DOCK4: variants seen among roughly 807,000 people sequenced by gnomAD.
The protein encoded by DOCK4 is dedicator of cytokinesis protein 4.
In DOCK4, 97 loss-of-function variants were observed where a neutral mutation model predicts 268.1. The observed-to-expected ratio is 0.36, with a 90% CI of 0.31 to 0.43. The LOEUF is 0.43. Ranked by LOEUF, DOCK4 falls within the 20% of genes least tolerant of loss-of-function variation. The probability of loss-of-function intolerance (pLI) is 1.00; values close to 1 mark genes in which losing one functional copy is unlikely to be tolerated. For synonymous variants in DOCK4, 954 were observed against 887.2 expected, an observed-to-expected ratio of 1.08 and a Z score of -1.34; for missense variants, 2,145 against 2,455.7, an observed-to-expected ratio of 0.87 and a Z score of 2.67.
chr7:111,902,808 C>T (rs927435477), intron 13 of DOCK4, among the ~76,000 whole-genome samples: 23 of 151,750 alleles, frequency 1.5e-4, no homozygotes, highest in South Asian at 1.0e-3. Context: ...CTCGCTCTGT[C>T]GCCCAGGCTG....
Position 111,790,513 on chromosome 7 carries a change from G to T in DOCK4, c.3259C>A (p.Pro1087Thr). Residue 1087 changes from proline to threonine, a missense_variant, in exon 31 of 53, where the codon CCA becomes ACA. By Grantham distance (38) the Pro-to-Thr change is conservative. Around this residue, in one of 2 missense-constraint regions of DOCK4, gnomAD observed 1,598 missense variants for 1,986.7 expected, o/e 0.80. Transcript: ENST00000428084. ...PQPDLRNVMI[P>T]IFHDMMDWEQ... ...CAGTCCATCATATCATGAAAAATTG[G>T]AATCATGACATTCCGAAGATCTGGC... The T allele has an allele frequency of 6.2e-7, 1 of 1,613,894 alleles. No individual in the cohort carries two copies. Among genetic ancestry groups the T allele is most frequent in the Non-Finnish European group, 8.5e-7 (1 of 1,179,860 alleles).
rs1801169177 is a variant in DOCK4, at chr7:111,811,965, AT to A, written c.2931-17del. 2.9e-6 allele frequency: 4 copies of A among 1,402,056 alleles called. No homozygotes were observed. Among genetic ancestry groups the A allele is most frequent in the Admixed American group, 4.7e-5 (2 of 42,274 alleles). The allele number at this position is 1,402,056 out of a possible 1,614,324, so 86.9% of individuals were successfully genotyped here. A position where few individuals can be genotyped will look rare whatever the true frequency, so the allele number is the denominator to read the frequency against. ...AATAATAACACTAGTGATAAAAAAA[AT>A]GACAAGGTGAAAACTTCATATTAGT... On this transcript the variant is annotated splice_polypyrimidine_tract_variant and intron_variant, in intron 27 of 52. Transcript: ENST00000428084.
At chr7:112,197,240 G>A (rs1820529156) in intron 1 of DOCK4, among the ~76,000 whole-genome samples, 1 of 150,876 alleles carries the variant, frequency 6.6e-6, no homozygotes, top group African/African-American at 2.4e-5. Flanking sequence ...TTTCAGGAGT[G>A]CCATAGTATA....
chr7:111,851,538 A>C (rs1484893140), intron 23 of DOCK4, among the ~76,000 whole-genome samples: 1 of 152,122 alleles, frequency 6.6e-6, no homozygotes, highest in Non-Finnish European at 1.5e-5. Flanking sequence ...ACAGGTACAA[A>C]ACCTCAAACT....
intron 30 of DOCK4, among the ~76,000 whole-genome samples, chr7:111,793,235 T>C (rs1799672845): frequency 6.6e-6 from 1 of 152,228 alleles, no homozygotes; most frequent in Non-Finnish European, 1.5e-5. Flanking sequence ...TGAAGGGCCA[T>C]GTTGCAATGC....
chr7:111,952,871 A>G (rs941026795), intron 8 of DOCK4, among the ~76,000 whole-genome samples: 2 of 152,172 alleles, frequency 1.3e-5, no homozygotes, highest in Non-Finnish European at 2.9e-5. Context: ...TTTTACAAAA[A>G]CAAAAACAAA....
In DOCK4 at chr7:111,737,007, T is replaced by C; in HGVS notation, c.5233-18A>G. On this transcript the variant is annotated intron_variant, in intron 49 of 52. Coordinates refer to ENST00000428084, the MANE Select transcript of DOCK4 (RefSeq NM_001363540.2). ...AGCATCCTCTGCAAAGTTACAAGGG[T>C]TGATTTTTATGATGTGATATACGGG... The C allele has an allele frequency of 6.3e-7, 1 of 1,594,716 alleles. No homozygotes were observed. Among genetic ancestry groups the C allele is most frequent in the South Asian group, 1.1e-5 (1 of 87,800 alleles).
At chr7:112,143,224 G>C (rs920198368) in intron 1 of DOCK4, among the ~76,000 whole-genome samples, 1 of 151,736 alleles carries the variant, frequency 6.6e-6, no homozygotes, top group African/African-American at 2.4e-5. Flanking sequence ...AATGCCTTGG[G>C]CTGAATCCTA....
chr7:112,004,369 CA>C (rs1800683489), intron 1 of DOCK4, among the ~76,000 whole-genome samples: 2 of 152,080 alleles, frequency 1.3e-5, no homozygotes, highest in African/African-American at 2.4e-5. Flanking sequence ...AAATAATACA[CA>C]ATATATCAAT....
chr7:111,918,862 T>C (rs1312652169), intron 12 of DOCK4, among the ~76,000 whole-genome samples: 2 of 152,190 alleles, frequency 1.3e-5, no homozygotes, highest in East Asian at 3.9e-4. Context: ...TTTAACAAAA[T>C]TCTTAAGATC....
Position 112,083,882 on chromosome 7 carries a change from T to C in DOCK4, c.38-79751A>G, listed in dbSNP as rs367549746. ...CCCTAACCACCTCATGGAATAAGTA[T>C]ACTTCCCTGCTCTGCTGTTAGGCTT... On this transcript the variant is annotated intron_variant, in intron 1 of 52. Coordinates refer to ENST00000428084, the MANE Select transcript of DOCK4 (RefSeq NM_001363540.2). Among the ~76,000 whole-genome samples the C allele has an allele frequency of 1.8e-4, 28 of 152,332 alleles. No homozygotes were observed. The East Asian group carries it at 4.4e-3, about 24-fold the overall frequency.
chr7:111,823,604 A>C (rs527623762), intron 26 of DOCK4, among the ~76,000 whole-genome samples: 98 of 152,316 alleles, frequency 6.4e-4, no homozygotes, highest in Non-Finnish European at 1.2e-3. Flanking sequence ...TACCACACAC[A>C]ATGAATGAAA....
intron 17 of DOCK4, among the ~76,000 whole-genome samples, 176 bp downstream of exon 17, chr7:111,876,854 T>C (rs1449231887): frequency 5.3e-5 from 8 of 150,962 alleles, no homozygotes; most frequent in Non-Finnish European, 1.2e-4. Flanking sequence ...TTAAATGACA[T>C]GCATTCAACA....
At chr7:112,022,660 A>G (rs2135418352) in intron 1 of DOCK4, among the ~76,000 whole-genome samples, 1 of 152,348 alleles carries the variant, frequency 6.6e-6, no homozygotes, top group Non-Finnish European at 1.5e-5. Context: ...CCCATGGAGA[A>G]CATGGATGGT....
At chr7:111,952,663 G>A (rs1796143184) in intron 8 of DOCK4, among the ~76,000 whole-genome samples, 1 of 152,066 alleles carries the variant, frequency 6.6e-6, no homozygotes, top group African/African-American at 2.4e-5. Flanking sequence ...GAAACATGTT[G>A]TGAGAAAGAT....
In DOCK4 at chr7:112,014,571, C is replaced by T. The variant is rs554858956; in HGVS notation, c.38-10440G>A. Among the ~76,000 whole-genome samples the T allele has an allele frequency of 1.9e-4, 29 of 150,306 alleles. No individual in the cohort carries two copies. In the South Asian group the frequency reaches 5.9e-3, roughly 31 times the overall value. On this transcript the variant is annotated intron_variant, in intron 1 of 52. Coordinates refer to ENST00000428084, the MANE Select transcript of DOCK4 (RefSeq NM_001363540.2). ...GAGGTCTGCTTTCAGGCTAGTTCTCCTTCTACACCTCACAGAGTTCTACAC... is the reference window on the plus strand; with the variant it reads ...GAGGTCTGCTTTCAGGCTAGTTCTCTTTCTACACCTCACAGAGTTCTACAC...
intron 1 of DOCK4, among the ~76,000 whole-genome samples, chr7:112,072,328 C>G (rs2135674735): frequency 6.6e-6 from 1 of 152,278 alleles, no homozygotes; most frequent in South Asian, 2.1e-4. Context: ...GGAATCTTTA[C>G]TAAACTACAC....
Position 111,747,308 on chromosome 7 carries a change from T to A in DOCK4, c.4552A>T (p.Ile1518Leu). Residue 1518 changes from isoleucine (I) to leucine (L), a missense_variant, in exon 43 of 53, where the codon ATA becomes TTA. Ile to Leu is a conservative substitution (Grantham distance 5). This residue lies in a region of DOCK4 where 1,598 missense variants were observed against 1,986.7 expected (regional missense o/e 0.80). Coordinates refer to ENST00000428084, the MANE Select transcript of DOCK4 (RefSeq NM_001363540.2). ...NPLTMCLNGV[I>L]DAAVNGGVSR... ...ACGCCACCATTAACTGCAGCATCTA[T>A]AACTCCATTCAGGCACATAGTCAGG... 1 of 1,613,730 alleles carries A rather than the reference T, an allele frequency of 6.2e-7. No individual in the cohort carries two copies. The highest frequency in any genetic ancestry group is 8.5e-7 in the Non-Finnish European group (1 of 1,179,796).
At position 111,809,329 on chromosome 7, in the gene DOCK4, G is replaced by T. The variant is rs751940199; in HGVS notation, c.3079C>A (p.Pro1027Thr). The change falls in exon 29 of 53, where the codon CCT becomes ACT. Residue 1027 changes from proline (P) to threonine (T), a missense_variant. Pro to Thr is a conservative substitution (Grantham distance 38). Transcript: ENST00000428084. ...QLCLQLEMFT[P>T]SKKKKVLEKY... ...TCTAACACCTTTTTCTTCTTGGAAG[G>T]TGTGAACATCTCCAACTGCAGACAC... The T allele has an allele frequency of 1.9e-6, 3 of 1,563,888 alleles. No individual in the cohort carries two copies. The highest frequency in any genetic ancestry group is 2.7e-5 in the African/African-American group (2 of 73,850).
Sources: allele counts gnomAD v4.1 joint callset (sites outside exome capture counted in the v4.1 genomes callset), GRCh38; gene constraint gnomAD v4.1.1; regional missense constraint gnomAD v4.1.1; transcripts MANE v1.5; gene names NCBI Gene and HGNC (gene_info 2026-07-23, HGNC 2026-07-21).